Variants in GORASP2 observed in about 807,000 individuals in gnomAD.
GORASP2 encodes golgi reassembly stacking protein 2.
In GORASP2, 22 loss-of-function variants were observed where a neutral mutation model predicts 45.7. That is an observed-to-expected ratio of 0.48 (90% CI 0.34 to 0.69). The LOEUF (loss-of-function observed/expected upper bound fraction) is 0.69. GORASP2 is among the 30% of genes least tolerant of loss of function. The pLI, the probability that GORASP2 is intolerant of heterozygous loss-of-function variation, is 0.01. For synonymous variants in GORASP2, 221 were observed against 215.6 expected (o/e 1.02, Z -0.22); for missense variants, 491 against 562.7 (o/e 0.87, Z 1.29).
chr2:170,946,384 G>A (rs2105318994), intron 1 of GORASP2, among the ~76,000 whole-genome samples: 1 of 152,238 alleles, frequency 6.6e-6, no homozygotes, highest in East Asian at 1.9e-4. Flanking sequence ...AAAATGTGGA[G>A]TGGATTATAT....
In GORASP2 at chr2:170,966,518, T is replaced by C. The variant is rs184922037; in HGVS notation, c.*388T>C. 110 of 234,464 alleles carry C rather than the reference T, an allele frequency of 4.7e-4. No homozygotes were observed. Among genetic ancestry groups the C allele is most frequent in the Admixed American group, 1.2e-3 (23 of 19,184 alleles). 14.5% of individuals were successfully genotyped at this position (234,464 alleles called of 1,614,324 possible). Reference sequence around the variant, plus strand: ...CTATGCCTAATACTCACACGCAACATTTCTTGTACTTTGTAAGTCGTTTGC... The same window carrying C: ...CTATGCCTAATACTCACACGCAACACTTCTTGTACTTTGTAAGTCGTTTGC... On this transcript the variant is annotated 3_prime_UTR_variant, in exon 10 of 10. Coordinates refer to ENST00000234160, the MANE Select transcript of GORASP2 (RefSeq NM_015530.5).
chr2:170,945,079 T>C (rs1411342081), intron 1 of GORASP2, among the ~76,000 whole-genome samples: 1 of 152,162 alleles, frequency 6.6e-6, no homozygotes, highest in Admixed American at 6.6e-5. Flanking sequence ...AGAGTTGCCA[T>C]TTGAGAAGAA....
In GORASP2 at chr2:170,967,006, T is replaced by C. The variant is rs1704702567; in HGVS notation, c.*876T>C. ...CAGTATGTCTTATTACTCTCCAGTA[T>C]GTCACGCATCTTTAACTTTTCACGT... On this transcript the variant is annotated 3_prime_UTR_variant, in exon 10 of 10. Coordinates refer to ENST00000234160, the MANE Select transcript of GORASP2 (RefSeq NM_015530.5). 6.6e-6 allele frequency: 1 copy of C among 152,256 alleles called. No individual in the cohort carries two copies. Among genetic ancestry groups the C allele is most frequent in the South Asian group, 2.1e-4 (1 of 4,836 alleles). The allele number at this position is 152,256 out of a possible 1,614,324, so 9.4% of individuals were successfully genotyped here. A position where few individuals can be genotyped will look rare whatever the true frequency, so the allele number is the denominator to read the frequency against.
intron 1 of GORASP2, among the ~76,000 whole-genome samples, chr2:170,938,111 A>G (rs1703997117): frequency 6.6e-6 from 1 of 152,222 alleles, no homozygotes. Flanking sequence ...CTCTTTCTTA[A>G]AACAACGCTA....
At chr2:170,965,609 G>A (rs28499279) in intron 9 of GORASP2, among the ~76,000 whole-genome samples, 181 bp from the exon 10 acceptor site, 3,936 of 152,270 alleles carry the variant, frequency 0.026, 153 homozygotes, top group African/African-American at 0.08. Flanking sequence ...AGGCAGCTGC[G>A]ATTGTAGGGA....
At chr2:170,953,937 A>G (rs1280468719) in intron 5 of GORASP2, 1 of 152,244 alleles carries the variant, frequency 6.6e-6, no homozygotes, top group Admixed American at 6.5e-5. Flanking sequence ...CAGGGCAGAC[A>G]CTCTGATTGA....
At chr2:170,961,794 A>AG in intron 8 of GORASP2, 45 bp downstream of exon 8, 4 of 921,780 alleles carry the variant, frequency 4.3e-6, no homozygotes, top group Non-Finnish European at 7.3e-6. Flanking sequence ...TAACAGTATT[A>AG]CTGATATTTG....
At position 170,954,751 on chromosome 2, in the gene GORASP2, C is replaced by G; in HGVS notation, c.668C>G (p.Pro223Arg). 6.2e-7 allele frequency: 1 copy of G among 1,613,508 alleles called. No individual in the cohort carries two copies. Among genetic ancestry groups the G allele is most frequent in the African/African-American group, 1.3e-5 (1 of 75,012 alleles). ...CTTCCAGGACAAATGGCTGGTACAC[C>G]TATTACACCTCTTAAAGATGGGTTT... ...ISLPGQMAGTPITPLKDGFTE... is the reference protein window; with the variant it reads ...ISLPGQMAGTRITPLKDGFTE... The change falls in exon 6 of 10, where the codon CCT becomes CGT. Residue 223 changes from proline to arginine, a missense_variant. By Grantham distance (103) the Pro-to-Arg change is moderately radical (BLOSUM62 -2). Coordinates refer to ENST00000234160, the MANE Select transcript of GORASP2 (RefSeq NM_015530.5).
Position 170,951,478 on chromosome 2 carries a change from T to G in GORASP2, c.566+20T>G, listed in dbSNP as rs1320972462. 6.3e-7 allele frequency: 1 copy of G among 1,588,100 alleles called. No homozygotes were observed. The highest frequency in any genetic ancestry group is 1.3e-5 in the African/African-American group (1 of 74,076). Reference sequence around the variant, plus strand: ...AGGCAGGTAAGGTCATTTTTTAGACTAAGTTATGACTGCTTAAACATACCA... The same window carrying G: ...AGGCAGGTAAGGTCATTTTTTAGACGAAGTTATGACTGCTTAAACATACCA... On this transcript the variant is annotated intron_variant, in intron 5 of 9. Transcript: ENST00000234160.
chr2:170,947,084 G>A (rs1414727773), intron 1 of GORASP2, among the ~76,000 whole-genome samples: 1 of 152,026 alleles, frequency 6.6e-6, no homozygotes, highest in African/African-American at 2.4e-5. Flanking sequence ...AACCTTCTTG[G>A]AGTTATGGAG....
At chr2:170,932,349 C>G (rs932589216) in intron 1 of GORASP2, among the ~76,000 whole-genome samples, 3 of 152,212 alleles carry the variant, frequency 2.0e-5, no homozygotes, top group Non-Finnish European at 4.4e-5. Context: ...GGCAGTCTTT[C>G]TGTAGTAGCA....
intron 5 of GORASP2, chr2:170,951,743 C>A: frequency 5.4e-6 from 1 of 184,478 alleles, no homozygotes; most frequent in Non-Finnish European, 1.1e-5. Flanking sequence ...ATAGAAAAGC[C>A]TAGAATTTGG....
intron 9 of GORASP2, among the ~76,000 whole-genome samples, chr2:170,965,337 C>T (rs1189245726): frequency 6.6e-6 from 1 of 152,206 alleles, no homozygotes; most frequent in Non-Finnish European, 1.5e-5. Flanking sequence ...AATCCAGGCC[C>T]CTCCCTTCTG....
Position 170,958,739 on chromosome 2 carries a change from A to G in GORASP2, c.823+2180A>G, listed in dbSNP as rs1704485663. 2.9e-5 allele frequency among the ~76,000 whole-genome samples: 4 copies of G among 140,088 alleles called. No individual in the cohort carries two copies. The East Asian group carries it at 8.2e-4, about 29-fold the overall frequency. The allele number at this position is 140,088 out of a possible 152,430, so 91.9% of individuals were successfully genotyped here. A position where few individuals can be genotyped will look rare whatever the true frequency, so the allele number is the denominator to read the frequency against. ...GAGTACAGTGGCACTATCTCTGCCC[A>G]CTGCAACCTCTGGCTCCCAGGTTCA... On this transcript the variant is annotated intron_variant, in intron 7 of 9. Coordinates refer to ENST00000234160, the MANE Select transcript of GORASP2 (RefSeq NM_015530.5).
At chr2:170,930,230 T>G (rs2105307217) in intron 1 of GORASP2, among the ~76,000 whole-genome samples, 1 of 152,340 alleles carries the variant, frequency 6.6e-6, no homozygotes, top group South Asian at 2.1e-4. Context: ...AGCCCCTACC[T>G]ATGAACGGCC....
At chr2:170,951,030 A>C (rs924300212) in intron 4 of GORASP2, among the ~76,000 whole-genome samples, 3 of 152,186 alleles carry the variant, frequency 2.0e-5, no homozygotes, top group African/African-American at 7.2e-5. Context: ...TGCCCAGACA[A>C]CCAGGTCTTA....
chr2:170,945,584 T>C (rs1469123654), intron 1 of GORASP2, among the ~76,000 whole-genome samples: 2 of 151,604 alleles, frequency 1.3e-5, no homozygotes, highest in Non-Finnish European at 2.9e-5. Flanking sequence ...ATTTACAAAA[T>C]GATTTGGTCC....
At chr2:170,929,460 G>A in intron 1 of GORASP2, 57 bp downstream of exon 1, 1 of 1,239,350 alleles carries the variant, frequency 8.1e-7, no homozygotes, top group Non-Finnish European at 1.0e-6. Context: ...CCGGCCGCGG[G>A]GAGGCGGAGG....
chr2:170,942,014 T>C (rs895939348), intron 1 of GORASP2, among the ~76,000 whole-genome samples: 6 of 152,154 alleles, frequency 3.9e-5, no homozygotes, highest in African/African-American at 1.4e-4. Context: ...ACTTAATATT[T>C]TTCGTCTTTT....
Sources: allele counts gnomAD v4.1 joint callset (sites outside exome capture counted in the v4.1 genomes callset), GRCh38; gene constraint gnomAD v4.1.1; transcripts MANE v1.5; gene names NCBI Gene and HGNC (gene_info 2026-07-23, HGNC 2026-07-21).